The following TNIP2 variants were observed in gnomAD, a reference collection of about 807,000 sequenced individuals.
TNIP2 encodes TNFAIP3-interacting protein 2.
In TNIP2, 30 loss-of-function variants were observed where a neutral mutation model predicts 43.7. That is an observed-to-expected ratio of 0.69 (90% CI 0.51 to 0.93). The LOEUF (loss-of-function observed/expected upper bound fraction) is 0.93. TNIP2 is among the 40% of genes least tolerant of loss of function. The pLI, the probability that TNIP2 is intolerant of heterozygous loss-of-function variation, is 0.00. For synonymous variants in TNIP2, 260 were observed against 254.6 expected, an observed-to-expected ratio of 1.02 and a Z score of -0.20; for missense variants, 599 against 591.0, an observed-to-expected ratio of 1.01 and a Z score of -0.14.
Position 2,742,448 on chromosome 4 carries a change from A to G in TNIP2, c.1099T>C (p.Leu367=), listed in dbSNP as rs1258711995. The G allele has an allele frequency of 6.2e-7, 1 of 1,611,650 alleles. No homozygotes were observed. Among genetic ancestry groups the G allele is most frequent in the Admixed American group, 1.7e-5 (1 of 59,790 alleles). ...CAGCCACCAGGCACCATAAGCTCTA[A>G]TGCGTCGGCGGCCAAATACTTGGCA... The part of the protein sequence containing the change: ...KTAKYLAADA[L]ELMVPGGWRP... Residue 367 remains leucine (L), a synonymous_variant, in exon 6 of 6, where the codon TTA becomes CTA. Coordinates refer to ENST00000315423, the MANE Select transcript of TNIP2 (RefSeq NM_024309.4).
intron 1 of TNIP2, among the ~76,000 whole-genome samples, chr4:2,753,029 C>G (rs548160135): frequency 5.9e-5 from 9 of 152,252 alleles, no homozygotes; most frequent in African/African-American, 1.9e-4. Context: ...GGCCCCAAGG[C>G]ATTCCAGCCT....
chr4:2,742,403 G>A lies in TNIP2; in HGVS notation c.1144C>T (p.Gln382Ter). ...PGGWRPGTGS[Q>*]QPEPPAEGGH... ...CCCTCTGCAGGGGGTTCTGGCTGCT[G>A]GGACCCAGTCCCAGGCCTCCAGCCA... The change falls in exon 6 of 6, where the codon CAG becomes TAG. Residue 382 changes from glutamine (Q) to a stop codon, truncating the protein, a stop_gained. Transcript: ENST00000315423. LOFTEE classifies it low-confidence loss of function (END_TRUNC). 1 of 1,612,000 alleles carries A rather than the reference G, an allele frequency of 6.2e-7. No homozygotes were observed. Among genetic ancestry groups the A allele is most frequent in the Non-Finnish European group, 8.5e-7 (1 of 1,178,944 alleles).
In TNIP2 at chr4:2,756,053, T is replaced by G. The variant is rs1412071009; in HGVS notation, c.237A>C (p.Arg79=). The change falls in exon 1 of 6, where the codon CGA becomes CGC. Residue 79 remains arginine (R), a synonymous_variant. Transcript: ENST00000315423. ...EQVARFREQL[R]RQEGGAAEAQ... ...CCTCGGCGGCGCCGCCCTCCTGCCTTCGCAGCTGCTCCCGGAAGCGCGCAA... is the reference window on the plus strand; with the variant it reads ...CCTCGGCGGCGCCGCCCTCCTGCCTGCGCAGCTGCTCCCGGAAGCGCGCAA... 4 of 1,546,304 alleles carry G rather than the reference T, an allele frequency of 2.6e-6. No individual in the cohort carries two copies. In the South Asian group the frequency reaches 4.7e-5, roughly 18 times the overall value.
chr4:2,749,199 A>T (rs1722041424), intron 1 of TNIP2, among the ~76,000 whole-genome samples: 1 of 152,010 alleles, frequency 6.6e-6, no homozygotes, highest in South Asian at 2.1e-4. Flanking sequence ...TTAAACTCCT[A>T]GGCTCAAGCA....
At chr4:2,755,959 G>T in intron 1 of TNIP2, 55 bp downstream of exon 1, 1 of 1,474,896 alleles carries the variant, frequency 6.8e-7, no homozygotes, top group Non-Finnish European at 8.9e-7. Context: ...CCAGGACCCG[G>T]CGGCCGCCAC....
chr4:2,742,677 C>T (rs16843109), intron 5 of TNIP2, among the ~76,000 whole-genome samples, 157 bp from the exon 6 acceptor site: 6,329 of 152,190 alleles, frequency 0.042, 477 homozygotes, highest in African/African-American at 0.14. Flanking sequence ...GACAAGGGGG[C>T]GCTCAGTGAA....
intron 5 of TNIP2, 28 bp from the exon 6 acceptor site, chr4:2,742,548 G>A (rs1440924270): frequency 2.0e-6 from 3 of 1,510,512 alleles, no homozygotes; most frequent in South Asian, 1.3e-5. Flanking sequence ...GTGTATATAC[G>A]TGGGCTGTGC....
In TNIP2 at chr4:2,743,937, AGGGG is replaced by A. The variant is rs986097571; in HGVS notation, c.1026+446_1026+449del. ...AAGCACTGAGCCCAGGGGTGGGGTGAGGGGCCCCTGCCCTGCAAGGCCCAGCTCC... is the reference window on the plus strand; with the variant it reads ...AAGCACTGAGCCCAGGGGTGGGGTGACCCCTGCCCTGCAAGGCCCAGCTCC... On this transcript the variant is annotated intron_variant, in intron 5 of 5. Transcript: ENST00000315423. Among the ~76,000 whole-genome samples the A allele has an allele frequency of 1.1e-4, 17 of 152,238 alleles. No individual in the cohort carries two copies. The East Asian group carries it at 1.2e-3, about 10-fold the overall frequency.
chr4:2,747,928 A>T lies in TNIP2; in HGVS notation c.294T>A (p.Thr98=), dbSNP rs776969849. The T allele has an allele frequency of 2.5e-6, 4 of 1,612,054 alleles. No individual in the cohort carries two copies. Among genetic ancestry groups the T allele is most frequent in the Non-Finnish European group, 2.5e-6 (3 of 1,179,446 alleles). ...CCCTCTCTTTTTCTTCTAGTCGCTC[A>T]GTCAGCCTCTCAATTTCCTAAGTGG... ...AQMRQEIERL[T]ERLEEKEREM... The change falls in exon 2 of 6, where the codon ACT becomes ACA. Residue 98 remains threonine (T), a synonymous_variant. Coordinates refer to ENST00000315423, the MANE Select transcript of TNIP2 (RefSeq NM_024309.4).
At chr4:2,752,201 A>G (rs890469763) in intron 1 of TNIP2, among the ~76,000 whole-genome samples, 1 of 152,224 alleles carries the variant, frequency 6.6e-6, no homozygotes, top group Non-Finnish European at 1.5e-5. Flanking sequence ...AGCTAAGCTA[A>G]GCCGGAAGGG....
Position 2,742,342 on chromosome 4 carries a change from T to C in TNIP2, c.1205A>G (p.Asp402Gly). Residue 402 changes from aspartate (D) to glycine (G), a missense_variant, in exon 6 of 6, where the codon GAC becomes GGC. By Grantham distance (94) the Asp-to-Gly change is moderately conservative. Coordinates refer to ENST00000315423, the MANE Select transcript of TNIP2 (RefSeq NM_024309.4). Reference protein sequence around the residue: ...HPGAAQRGQGDLQCPHCLQCF... With the variant: ...HPGAAQRGQGGLQCPHCLQCF... ...CTGCAGGCAGTGAGGGCACTGAAGG[T>C]CCCCCTGGCCTCTCTGGGCCGCGCC... 1.3e-6 allele frequency: 2 copies of C among 1,574,800 alleles called. No individual in the cohort carries two copies. The highest frequency in any genetic ancestry group is 1.7e-6 in the Non-Finnish European group (2 of 1,157,880).
At chr4:2,749,928 C>CAGCACCCTA (rs1208934812) in intron 1 of TNIP2, among the ~76,000 whole-genome samples, 3 of 152,136 alleles carry the variant, frequency 2.0e-5, no homozygotes, top group Admixed American at 2.0e-4. Context: ...CCTCTTGCCT[C>CAGCACCCTA]AGCACCCTAA....
At chr4:2,743,361 T>G (rs952539237) in intron 5 of TNIP2, among the ~76,000 whole-genome samples, 1 of 152,140 alleles carries the variant, frequency 6.6e-6, no homozygotes, top group Non-Finnish European at 1.5e-5. Context: ...GTCCAAAATC[T>G]TCAAGAGGCG....
At position 2,747,703 on chromosome 4, in the gene TNIP2, A is replaced by C. The variant is rs746684133; in HGVS notation, c.519T>G (p.Asp173Glu). 3.7e-6 allele frequency: 6 copies of C among 1,603,392 alleles called. No individual in the cohort carries two copies. Among genetic ancestry groups the C allele is most frequent in the Non-Finnish European group, 4.2e-6 (5 of 1,179,926 alleles). ...CATTCCTTTGTGCATGCTGTCGTTC[A>C]TCCAGACACTTGGCCAGATGCTGAC... ...HMCQHLAKCL[D>E]ERQHAQRNVG... The change falls in exon 2 of 6, where the codon GAT becomes GAG. Residue 173 changes from aspartate (D) to glutamate (E), a missense_variant. Coordinates refer to ENST00000315423, the MANE Select transcript of TNIP2 (RefSeq NM_024309.4).
At chr4:2,749,082 C>T (rs551926466) in intron 1 of TNIP2, among the ~76,000 whole-genome samples, 5 of 152,310 alleles carry the variant, frequency 3.3e-5, no homozygotes, top group African/African-American at 4.8e-5. Context: ...TGAGCCACCA[C>T]GCCCTGCCAA....
rs190440871 is a variant in TNIP2 at position 2,755,186 on chromosome 4, T to C, written c.276+828A>G. On this transcript the variant is annotated intron_variant, in intron 1 of 5. Transcript: ENST00000315423. ...TGGACCCAAGACACACATGTGTGCG[T>C]ACACACACACACCATACACACCCCT... 4.6e-5 allele frequency among the ~76,000 whole-genome samples: 7 copies of C among 151,564 alleles called. No individual in the cohort carries two copies. In the South Asian group the frequency reaches 8.3e-4, roughly 18 times the overall value.
chr4:2,743,988 A>T (rs971895533), intron 5 of TNIP2, among the ~76,000 whole-genome samples: 7 of 152,064 alleles, frequency 4.6e-5, no homozygotes, highest in Admixed American at 1.3e-4. Flanking sequence ...TGAGCTGGGG[A>T]TGTTACTGGA....
At chr4:2,754,358 C>T (rs202198348) in intron 1 of TNIP2, among the ~76,000 whole-genome samples, 1 of 152,244 alleles carries the variant, frequency 6.6e-6, no homozygotes, top group Non-Finnish European at 1.5e-5. Context: ...AGTTTATCAT[C>T]AAAAAACAGA....
rs1463076099 is a variant in TNIP2 at position 2,744,092 on chromosome 4, G to A, written c.1026+295C>T. ...GTAGGGAGCTCACACTTTGAGGCCC[G>A]AGATATGCTCTCTGACTGCATGACA... On this transcript the variant is annotated intron_variant, in intron 5 of 5. Transcript: ENST00000315423. This position sits in a 1 kb window ranked among gnomAD's most constrained non-coding sequence, Gnocchi z 5.1. Among the ~76,000 whole-genome samples the A allele has an allele frequency of 6.6e-6, 1 of 152,198 alleles. No homozygotes were observed. The highest frequency in any genetic ancestry group is 1.5e-5 in the Non-Finnish European group (1 of 68,024).
Sources: allele counts gnomAD v4.1 joint callset (sites outside exome capture counted in the v4.1 genomes callset), GRCh38; gene constraint gnomAD v4.1.1; non-coding constraint Gnocchi (gnomAD v3.1); transcripts MANE v1.5; gene names NCBI Gene and HGNC (gene_info 2026-07-23, HGNC 2026-07-21).